Variants in ANKRD6 observed in about 807,000 individuals in gnomAD.
ANKRD6 encodes ankyrin repeat domain 6.
ANKRD6 carries 56 observed loss-of-function variants against 82.3 expected under a neutral mutation model. The observed-to-expected ratio is 0.68, with a 90% CI of 0.55 to 0.85. The LOEUF (loss-of-function observed/expected upper bound fraction) is 0.85. ANKRD6 is among the 40% of genes least tolerant of loss of function. The pLI, the probability that ANKRD6 is intolerant of heterozygous loss-of-function variation, is 0.00. For synonymous variants in ANKRD6, 347 were observed against 352.1 expected, an observed-to-expected ratio of 0.99 and a Z score of 0.16; for missense variants, 852 against 907.6, an observed-to-expected ratio of 0.94 and a Z score of 0.79.
intron 1 of ANKRD6, among the ~76,000 whole-genome samples, chr6:89,469,593 C>T (rs549728888): frequency 1.2e-3 from 184 of 152,270 alleles, no homozygotes; most frequent in African/African-American, 4.1e-3. Context: ...TCTTACCACC[C>T]ATATCTGTGC....
chr6:89,541,193 C>T (rs114298545), intron 1 of ANKRD6, among the ~76,000 whole-genome samples: 3,048 of 151,950 alleles, frequency 0.02, 108 homozygotes, highest in African/African-American at 0.067. Context: ...AAGGATTACA[C>T]TGAGTCTATA....
intron 7 of ANKRD6, among the ~76,000 whole-genome samples, chr6:89,615,673 A>G (rs1477135129): frequency 6.6e-6 from 1 of 152,012 alleles, no homozygotes; most frequent in East Asian, 1.9e-4. Flanking sequence ...AAATTTTCCC[A>G]CCCCTCACAA....
intron 2 of ANKRD6, among the ~76,000 whole-genome samples, chr6:89,571,876 A>C (rs1301086839): frequency 1.3e-5 from 2 of 152,192 alleles, no homozygotes; most frequent in Non-Finnish European, 2.9e-5. Flanking sequence ...AGTATCATAT[A>C]GATTATTTTT....
At chr6:89,551,000 A>G (rs887456625) in intron 1 of ANKRD6, among the ~76,000 whole-genome samples, 14 of 152,372 alleles carry the variant, frequency 9.2e-5, no homozygotes, top group African/African-American at 3.1e-4. Context: ...ACACACATAC[A>G]TATAAATAAT....
chr6:89,611,037 G>A (rs184943666), intron 5 of ANKRD6, among the ~76,000 whole-genome samples: 3 of 152,210 alleles, frequency 2.0e-5, no homozygotes, highest in Admixed American at 1.3e-4. Context: ...GAACCAGCGA[G>A]CCTGCTAGAA....
At chr6:89,624,892 T>C (rs752932632) in intron 13 of ANKRD6, among the ~76,000 whole-genome samples, 5 of 152,230 alleles carry the variant, frequency 3.3e-5, no homozygotes, top group African/African-American at 4.8e-5. Context: ...TTGCTTATTA[T>C]AGAAATAAGA....
intron 4 of ANKRD6, among the ~76,000 whole-genome samples, chr6:89,605,577 C>T (rs763451621): frequency 6.6e-6 from 1 of 152,162 alleles, no homozygotes; most frequent in Admixed American, 6.5e-5. Context: ...TTTGCCTGAT[C>T]TTTGCAGGGT....
intron 1 of ANKRD6, among the ~76,000 whole-genome samples, chr6:89,517,704 C>T (rs1008627397): frequency 6.6e-6 from 1 of 152,158 alleles, no homozygotes. Context: ...ACCTGTAACC[C>T]GTCAGTGGGG....
intron 2 of ANKRD6, among the ~76,000 whole-genome samples, chr6:89,573,558 T>C (rs1019002072): frequency 6.6e-6 from 1 of 152,198 alleles, no homozygotes; most frequent in Non-Finnish European, 1.5e-5. Context: ...ATTAGATCCC[T>C]GTTTGCTGGA....
intron 1 of ANKRD6, among the ~76,000 whole-genome samples, chr6:89,531,893 G>A (rs1783195218): frequency 6.6e-6 from 1 of 152,220 alleles, no homozygotes; most frequent in Admixed American, 6.5e-5. Flanking sequence ...AGGGTGGGTT[G>A]GCATGCTGGA....
At chr6:89,621,652 C>T in intron 9 of ANKRD6, 1 of 416,766 alleles carries the variant, frequency 2.4e-6, no homozygotes, top group South Asian at 2.5e-5. Context: ...AGTCCCGGCC[C>T]AGCATCAGTG....
intron 1 of ANKRD6, among the ~76,000 whole-genome samples, chr6:89,558,285 A>G (rs1410160281): frequency 6.6e-6 from 1 of 152,206 alleles, no homozygotes; most frequent in Non-Finnish European, 1.5e-5. Context: ...TAGCATTTTT[A>G]TTTGTAATTG....
chr6:89,628,372 A>G (rs1806394090), intron 14 of ANKRD6: 1 of 157,070 alleles, frequency 6.4e-6, no homozygotes, highest in Non-Finnish European at 1.4e-5. Context: ...CACTCATGGT[A>G]GAAGGTAAAG....
At chr6:89,558,589 C>T (rs1340253994) in intron 1 of ANKRD6, among the ~76,000 whole-genome samples, 1 of 152,070 alleles carries the variant, frequency 6.6e-6, no homozygotes, top group Non-Finnish European at 1.5e-5. Flanking sequence ...GATGAATAGG[C>T]AGAGCACAGG....
intron 1 of ANKRD6, among the ~76,000 whole-genome samples, chr6:89,464,280 T>G (rs1774561200): frequency 1.3e-5 from 2 of 152,200 alleles, no homozygotes; most frequent in Middle Eastern, 6.8e-3. Flanking sequence ...ATGTCCAATT[T>G]TAGAATAACA....
At chr6:89,546,150 A>G (rs1454358330) in intron 1 of ANKRD6, among the ~76,000 whole-genome samples, 1 of 152,174 alleles carries the variant, frequency 6.6e-6, no homozygotes, top group Non-Finnish European at 1.5e-5. Context: ...TAGTATGCTC[A>G]GTTTACAAAA....
chr6:89,509,265 G>C (rs1017316460), intron 1 of ANKRD6: 1 of 152,276 alleles, frequency 6.6e-6, no homozygotes, highest in African/African-American at 2.4e-5. Flanking sequence ...GAATGTCTTG[G>C]TGCTCCCTTG....
intron 1 of ANKRD6, among the ~76,000 whole-genome samples, chr6:89,556,688 G>A (rs901432609): frequency 6.6e-6 from 1 of 152,214 alleles, no homozygotes; most frequent in Non-Finnish European, 1.5e-5. Context: ...AGCTAAAGAA[G>A]ATGGAACAGA....
intron 1 of ANKRD6, among the ~76,000 whole-genome samples, chr6:89,498,114 C>T (rs1778851814): frequency 6.6e-6 from 1 of 152,138 alleles, no homozygotes; most frequent in African/African-American, 2.4e-5. Context: ...CACAATTAGA[C>T]TAGTGTAAGT....
Sources: allele counts gnomAD v4.1 joint callset (sites outside exome capture counted in the v4.1 genomes callset), GRCh38; gene constraint gnomAD v4.1.1; transcripts MANE v1.5; gene names NCBI Gene and HGNC (gene_info 2026-07-23, HGNC 2026-07-21).